Variants in KIAA0586 observed in about 807,000 individuals in gnomAD.
KIAA0586 encodes the protein protein TALPID3.
KIAA0586 carries 144 observed loss-of-function variants against 169.8 expected under a neutral mutation model. The observed-to-expected ratio is 0.85, with a 90% confidence interval of 0.74 to 0.97. KIAA0586 has a LOEUF of 0.97. Ranked by LOEUF, KIAA0586 falls within the 50% of genes least tolerant of loss-of-function variation. KIAA0586 has a pLI of 0.00. For missense variants in KIAA0586, 1,854 were observed against 1,823.0 expected (o/e 1.02, Z -0.31); for synonymous variants, 625 against 612.4 (o/e 1.02, Z -0.30).
intron 9 of KIAA0586, among the ~76,000 whole-genome samples, chr14:58,455,774 T>G (rs1321307042): frequency 6.6e-6 from 1 of 152,058 alleles, no homozygotes; most frequent in African/African-American, 2.4e-5. Flanking sequence ...TGTTTTAGCC[T>G]TTCACTTCCT....
At chr14:58,480,346 TAAAAAAA>T (rs35326005) in intron 20 of KIAA0586, among the ~76,000 whole-genome samples, 2 of 146,244 alleles carry the variant, frequency 1.4e-5, no homozygotes, top group Non-Finnish European at 3.0e-5. Context: ...CTTCCTCTTT[TAAAAAAA>T]AAAAAAAAAA....
chr14:58,439,915 T>C (rs2038156482), intron 4 of KIAA0586: 3 of 726,396 alleles, frequency 4.1e-6, no homozygotes, highest in Non-Finnish European at 5.1e-6. Flanking sequence ...CCTTTCATTG[T>C]TTTCTTTGAG....
intron 27 of KIAA0586, among the ~76,000 whole-genome samples, chr14:58,507,385 G>T (rs2044071674): frequency 6.9e-6 from 1 of 145,488 alleles, no homozygotes. Context: ...TTATATATAT[G>T]ATTTATGTAT....
In KIAA0586 at chr14:58,444,111, A is replaced by C; in HGVS notation, c.743A>C (p.Asn248Thr). 1.2e-6 allele frequency: 2 copies of C among 1,613,794 alleles called. No homozygotes were observed. The highest frequency in any genetic ancestry group is 1.7e-6 in the Non-Finnish European group (2 of 1,179,766). Residue 248 changes from asparagine (N) to threonine (T), a missense_variant, in exon 6 of 31, where the codon AAT becomes ACT. Transcript: ENST00000652326. ...LHCHDHEKQM[N>T]VFMEQHIRHL... Reference sequence around the variant, plus strand: ...TGTCATGATCACGAAAAGCAAATGAATGTGTTTATGGAGCAGCACATAAGG... The same window carrying C: ...TGTCATGATCACGAAAAGCAAATGACTGTGTTTATGGAGCAGCACATAAGG...
intron 29 of KIAA0586, among the ~76,000 whole-genome samples, chr14:58,536,293 G>GC (rs1266448007): frequency 1.3e-5 from 2 of 151,824 alleles, no homozygotes; most frequent in African/African-American, 2.4e-5. Flanking sequence ...TTTCAACCCT[G>GC]CCCCCCCTTC....
chr14:58,522,099 T>C, intron 29 of KIAA0586: 1 of 656,398 alleles, frequency 1.5e-6, no homozygotes, highest in Non-Finnish European at 2.7e-6. Context: ...CAGCACATGC[T>C]CACTGTTCTC....
In KIAA0586 at chr14:58,427,753, C is replaced by G. The variant is rs541382303; in HGVS notation, c.-512C>G. Reference sequence around the variant, plus strand: ...AGATTACACCCACGACGGTGCGGGTCTCGGGCGTTCTGGAGATACGTAGGG... The same window carrying G: ...AGATTACACCCACGACGGTGCGGGTGTCGGGCGTTCTGGAGATACGTAGGG... On this transcript the variant is annotated 5_prime_UTR_variant, in exon 1 of 31. Coordinates refer to ENST00000652326, the MANE Select transcript of KIAA0586 (RefSeq NM_001329943.3). 9 of 1,532,524 alleles carry G rather than the reference C, an allele frequency of 5.9e-6. No homozygotes were observed. The African/African-American group carries it at 1.1e-4, about 19-fold the overall frequency. The allele number at this position is 1,532,524 out of a possible 1,614,324, so 94.9% of individuals were successfully genotyped here. A position where few individuals can be genotyped will look rare whatever the true frequency, so the allele number is the denominator to read the frequency against.
In KIAA0586 at chr14:58,447,146, AGTT is replaced by A. The variant is rs1319203819; in HGVS notation, c.808-1190_808-1188del. Among the ~76,000 whole-genome samples the A allele has an allele frequency of 3.3e-5, 5 of 152,194 alleles. No homozygotes were observed. In the South Asian group the frequency reaches 8.3e-4, roughly 25 times the overall value. The stretch of plus-strand genomic sequence containing the variant: ...GTTTTGTTTACATACTGGATATATT[AGTT>A]GTTCAGTAAATGCTTAATGAAATGA... On this transcript the variant is annotated intron_variant, in intron 6 of 30. Transcript: ENST00000652326.
At chr14:58,540,657 T>G (rs961215451) in intron 30 of KIAA0586, among the ~76,000 whole-genome samples, 3 of 152,222 alleles carry the variant, frequency 2.0e-5, no homozygotes, top group Admixed American at 6.5e-5. Context: ...AATAAGCATT[T>G]GTCAACTCAT....
chr14:58,507,508 T>A (rs993938444), intron 27 of KIAA0586, among the ~76,000 whole-genome samples: 4 of 151,598 alleles, frequency 2.6e-5, no homozygotes, highest in African/African-American at 9.7e-5. Flanking sequence ...CAGAGAGCAG[T>A]GACTTAATTC....
intron 13 of KIAA0586, among the ~76,000 whole-genome samples, chr14:58,460,679 A>G (rs1185477900): frequency 6.6e-6 from 1 of 152,152 alleles, no homozygotes; most frequent in Admixed American, 6.5e-5. Context: ...AGGTTGTTGT[A>G]TTTTTATTGT....
At position 58,467,937 on chromosome 14, in the gene KIAA0586, A is replaced by C. The variant is rs543667403; in HGVS notation, c.2442+15A>C. The C allele has an allele frequency of 2.0e-5, 31 of 1,543,628 alleles. No homozygotes were observed. In the East Asian group the frequency reaches 7.1e-4, roughly 35 times the overall value. ...TTACTGTGCAGGTATGCCAGGGTGCATGAGTAGAAAATTTTAAGGAAGAAA... is the reference window on the plus strand; with the variant it reads ...TTACTGTGCAGGTATGCCAGGGTGCCTGAGTAGAAAATTTTAAGGAAGAAA... On this transcript the variant is annotated intron_variant, in intron 16 of 30. Transcript: ENST00000652326.
At chr14:58,542,426 A>G (rs776516373) in intron 30 of KIAA0586, among the ~76,000 whole-genome samples, 7 of 152,010 alleles carry the variant, frequency 4.6e-5, no homozygotes, top group Non-Finnish European at 8.8e-5. Context: ...GCAGTGAGCC[A>G]AGATCATGCC....
At chr14:58,437,172 G>T (rs2037899898) in intron 4 of KIAA0586, among the ~76,000 whole-genome samples, 1 of 152,084 alleles carries the variant, frequency 6.6e-6, no homozygotes, top group Admixed American at 6.6e-5. Context: ...ATGCTCAGTT[G>T]GAGAGGAAGA....
chr14:58,448,218 A>G, intron 6 of KIAA0586, 122 bp from the exon 7 acceptor site: 1 of 660,552 alleles, frequency 1.5e-6, no homozygotes, highest in East Asian at 2.8e-5. Flanking sequence ...TGTAATACAT[A>G]TTTTTCATTG....
chr14:58,524,995 A>G (rs1332851975), intron 29 of KIAA0586, among the ~76,000 whole-genome samples: 1 of 152,136 alleles, frequency 6.6e-6, no homozygotes, highest in Non-Finnish European at 1.5e-5. Context: ...ATGAGCCACC[A>G]TGCCCAGCCC....
chr14:58,465,508 G>A (rs1222894247), intron 14 of KIAA0586, among the ~76,000 whole-genome samples: 1 of 152,164 alleles, frequency 6.6e-6, no homozygotes, highest in Non-Finnish European at 1.5e-5. Flanking sequence ...GGCAACTGTG[G>A]CCTACACGTG....
At position 58,467,901 on chromosome 14, in the gene KIAA0586, T is replaced by G; in HGVS notation, c.2421T>G (p.Asp807Glu). The G allele has an allele frequency of 3.7e-6, 6 of 1,613,196 alleles. No individual in the cohort carries two copies. Among genetic ancestry groups the G allele is most frequent in the Non-Finnish European group, 4.2e-6 (5 of 1,179,560 alleles). Residue 807 changes from aspartate (D) to glutamate (E), a missense_variant, in exon 16 of 31, where the codon GAT (aspartate) becomes GAG (glutamate). Physicochemically the swap from Asp to Glu is conservative, Grantham distance 45. Transcript: ENST00000652326. ...TAGAAATGAAGTCAGAAAAAAAGGA[T>G]CCTCCTCAGCTTACTGTGCAGGTAT... is the stretch of plus-strand genomic sequence containing the variant. ...AIVEMKSEKK[D>E]PPQLTVQVLP...
In KIAA0586 at chr14:58,515,236, G is replaced by A. The variant is rs149378375; in HGVS notation, c.4429+2609G>A. On this transcript the variant is annotated intron_variant, in intron 29 of 30. Coordinates refer to ENST00000652326, the MANE Select transcript of KIAA0586 (RefSeq NM_001329943.3). Reference sequence around the variant, plus strand: ...AGTTTTTCTTATTTGTAGATTACACGTTACTCAGAAAATAAGTATCAAAGT... The same window carrying A: ...AGTTTTTCTTATTTGTAGATTACACATTACTCAGAAAATAAGTATCAAAGT... Among the ~76,000 whole-genome samples, 1,040 of 151,372 alleles carry A rather than the reference G, an allele frequency of 6.9e-3. 9 individuals are homozygous for A. Among genetic ancestry groups the A allele is most frequent in the African/African-American group, 0.024 (980 of 41,358 alleles).
Sources: gnomAD v4.1 joint callset for allele counts (sites outside exome capture counted in the v4.1 genomes callset) on GRCh38, gnomAD v4.1.1 for gene constraint, MANE v1.5 for transcripts, NCBI Gene and HGNC (gene_info 2026-07-23, HGNC 2026-07-21) for gene names.